The following MACROD2 variants were observed in gnomAD, a reference collection of about 807,000 sequenced individuals.
MACROD2 encodes mono-ADP ribosylhydrolase 2, also known as ADP-ribose glycohydrolase MACROD2.
In MACROD2, 36 loss-of-function variants were observed where a neutral mutation model predicts 70.4. The ratio of observed to expected loss-of-function variants is 0.51; its 90% CI spans 0.39 to 0.68. MACROD2 has a LOEUF of 0.68. Ranked by LOEUF, MACROD2 falls within the 30% of genes least tolerant of loss-of-function variation. The probability of loss-of-function intolerance (pLI) is 0.00; values close to 1 mark genes in which losing one functional copy is unlikely to be tolerated. For missense variants in MACROD2, 496 were observed against 538.4 expected, an observed-to-expected ratio of 0.92 and a Z score of 0.78; for synonymous variants, 172 against 178.8, an observed-to-expected ratio of 0.96 and a Z score of 0.30.
intron 6 of MACROD2, among the ~76,000 whole-genome samples, chr20:15,282,795 C>T (rs965697288): frequency 1.3e-5 from 2 of 152,240 alleles, no homozygotes; most frequent in African/African-American, 2.4e-5. Flanking sequence ...TCCAAAGGTG[C>T]TTCCACATTC....
intron 6 of MACROD2, among the ~76,000 whole-genome samples, chr20:15,350,279 G>A (rs1352704583): frequency 6.6e-6 from 1 of 152,206 alleles, no homozygotes; most frequent in African/African-American, 2.4e-5. Flanking sequence ...CACCCTGTAA[G>A]ACCTCATTTA....
At chr20:14,740,753 TA>T (rs1008760158) in intron 5 of MACROD2, among the ~76,000 whole-genome samples, 6 of 151,548 alleles carry the variant, frequency 4.0e-5, no homozygotes, top group Middle Eastern at 3.4e-3. Context: ...AATGAAAGAT[TA>T]AAAAAAAACC....
intron 5 of MACROD2, among the ~76,000 whole-genome samples, chr20:15,198,114 A>T (rs2076622441): frequency 6.6e-6 from 1 of 151,988 alleles, no homozygotes. Flanking sequence ...GGCGTGTACC[A>T]CCACACCGGC....
chr20:15,280,107 AACTACATC>A (rs2077429744), intron 6 of MACROD2, among the ~76,000 whole-genome samples: 1 of 152,248 alleles, frequency 6.6e-6, no homozygotes, highest in East Asian at 1.9e-4. Flanking sequence ...TGTCAGTGTT[AACTACATC>A]ATTTAAATGA....
At chr20:14,879,242 T>C (rs1160153047) in intron 5 of MACROD2, among the ~76,000 whole-genome samples, 1 of 152,196 alleles carries the variant, frequency 6.6e-6, no homozygotes, top group African/African-American at 2.4e-5. Flanking sequence ...TTCTGATTCA[T>C]GTTTACATGG....
chr20:15,903,202 C>G (rs1009550420), intron 10 of MACROD2, among the ~76,000 whole-genome samples: 2 of 152,048 alleles, frequency 1.3e-5, no homozygotes, highest in Non-Finnish European at 2.9e-5. Context: ...ACTAGCCAGA[C>G]GTAGTGGCGC....
At chr20:15,373,374 G>A (rs953725913) in intron 6 of MACROD2, among the ~76,000 whole-genome samples, 2 of 151,928 alleles carry the variant, frequency 1.3e-5, no homozygotes, top group Non-Finnish European at 2.9e-5. Context: ...TTCTCTTCTA[G>A]GTGAATTATA....
intron 8 of MACROD2, among the ~76,000 whole-genome samples, chr20:15,636,076 G>GAAAAAAAAAAAAAAAAA (rs57402806): frequency 1.0e-4 from 9 of 85,818 alleles, no homozygotes; most frequent in Non-Finnish European, 1.3e-4. Context: ...CCTCTCAAAA[G>GAAAAAAAAAAAAAAAAA]AAAAAAAAAA....
At chr20:15,049,025 T>A (rs2075418140) in intron 5 of MACROD2, among the ~76,000 whole-genome samples, 1 of 152,116 alleles carries the variant, frequency 6.6e-6, no homozygotes, top group Non-Finnish European at 1.5e-5. Flanking sequence ...TTTAAAATTT[T>A]TCTTTGAAAA....
chr20:15,361,851 A>G (rs1035766252), intron 6 of MACROD2, among the ~76,000 whole-genome samples: 1 of 152,100 alleles, frequency 6.6e-6, no homozygotes. Flanking sequence ...TTTGGGGTCC[A>G]CATGTTCATT....
chr20:14,262,861 G>A (rs1167905752), intron 3 of MACROD2, among the ~76,000 whole-genome samples: 1 of 152,184 alleles, frequency 6.6e-6, no homozygotes, highest in East Asian at 1.9e-4. Context: ...TGAGGAGGTA[G>A]GCCAAGGTAT....
intron 10 of MACROD2, among the ~76,000 whole-genome samples, chr20:15,890,593 T>C (rs969138450): frequency 2.0e-5 from 3 of 152,176 alleles, no homozygotes; most frequent in African/African-American, 7.2e-5. Flanking sequence ...GAGTTGCTAA[T>C]GTAGTCATTG....
chr20:16,009,087 G>A (rs1340590090), intron 15 of MACROD2, among the ~76,000 whole-genome samples: 1 of 152,056 alleles, frequency 6.6e-6, no homozygotes, highest in African/African-American at 2.4e-5. Context: ...GCATCTGTCA[G>A]AGCTGGCTCT....
intron 8 of MACROD2, among the ~76,000 whole-genome samples, chr20:15,808,773 C>T (rs1448962260): frequency 6.6e-6 from 1 of 152,070 alleles, no homozygotes; most frequent in East Asian, 1.9e-4. Flanking sequence ...TATAATAAAA[C>T]TGTATTTTTT....
chr20:15,778,355 C>T (rs1433606589), intron 8 of MACROD2, among the ~76,000 whole-genome samples: 2 of 152,004 alleles, frequency 1.3e-5, no homozygotes, highest in Non-Finnish European at 2.9e-5. Flanking sequence ...TACCAAAATA[C>T]ATTTGATCAT....
intron 3 of MACROD2, among the ~76,000 whole-genome samples, chr20:14,235,215 G>A (rs2081857852): frequency 6.6e-6 from 1 of 152,180 alleles, no homozygotes; most frequent in South Asian, 2.1e-4. Flanking sequence ...ATGAACAGCT[G>A]TAGATTTAAC....
At chr20:15,313,506 CAAAA>C (rs11314563) in intron 6 of MACROD2, among the ~76,000 whole-genome samples, 1 of 86,228 alleles carries the variant, frequency 1.2e-5, no homozygotes. Flanking sequence ...GACTCCGTCT[CAAAA>C]AAAAAAAAAA....
At chr20:15,251,399 C>T (rs947826385) in intron 6 of MACROD2, among the ~76,000 whole-genome samples, 18 of 152,278 alleles carry the variant, frequency 1.2e-4, no homozygotes, top group African/African-American at 4.3e-4. Context: ...TATTGTTTTA[C>T]AACATGCTGC....
intron 8 of MACROD2, among the ~76,000 whole-genome samples, chr20:15,833,961 C>T (rs760806411): frequency 2.0e-5 from 3 of 152,070 alleles, no homozygotes; most frequent in Admixed American, 1.3e-4. Flanking sequence ...CAGTGCTTCC[C>T]CTTTCCAGGT....
Sources: gnomAD v4.1 joint callset for allele counts (sites outside exome capture counted in the v4.1 genomes callset) on GRCh38, gnomAD v4.1.1 for gene constraint, MANE v1.5 for transcripts, NCBI Gene and HGNC (gene_info 2026-07-23, HGNC 2026-07-21) for gene names.